The following STOX2 variants were observed in gnomAD, a reference collection of about 807,000 sequenced individuals.
STOX2 encodes storkhead box 2.
A neutral mutation model predicts 60.9 loss-of-function variants in STOX2; 28 were observed. The ratio of observed to expected loss-of-function variants is 0.46; its 90% confidence interval spans 0.34 to 0.63. STOX2 has a LOEUF of 0.63. Among genes scored for constraint, STOX2 ranks in the 30% least tolerant of loss-of-function variants. The pLI is 0.01. For synonymous variants in STOX2, 472 were observed against 463.9 expected (o/e 1.02, Z -0.22); for missense variants, 1,024 against 1,187.7 (o/e 0.86, Z 2.03).
At chr4:183,930,116 G>A (rs184661048) in intron 1 of STOX2, among the ~76,000 whole-genome samples, 1,963 of 151,316 alleles carry the variant, frequency 0.013, 23 homozygotes, top group South Asian at 0.053. Context: ...CACCCGCCTC[G>A]GCCTCCCAAA....
chr4:183,935,332 T>A (rs1381000133), intron 1 of STOX2, among the ~76,000 whole-genome samples: 1 of 152,244 alleles, frequency 6.6e-6, no homozygotes, highest in Non-Finnish European at 1.5e-5. Context: ...TATCACCCTG[T>A]TGACCAGAAA....
intron 1 of STOX2, among the ~76,000 whole-genome samples, chr4:183,837,988 A>G (rs1026326381): frequency 3.3e-5 from 5 of 152,126 alleles, no homozygotes; most frequent in African/African-American, 1.2e-4. Flanking sequence ...GAGTTCTGAG[A>G]TAGCACATAT....
chr4:183,983,569 A>C (rs578204180), intron 1 of STOX2, among the ~76,000 whole-genome samples: 12 of 152,314 alleles, frequency 7.9e-5, no homozygotes, highest in African/African-American at 2.9e-4. Flanking sequence ...TAGGAGTCCA[A>C]GAAGTCCCTG....
intron 1 of STOX2, chr4:183,798,533 G>A (rs116547490): frequency 0.018 from 14,477 of 789,074 alleles, 148 homozygotes; most frequent in African/African-American, 0.029. Flanking sequence ...TTCCCTGGGC[G>A]GCGACTGCGG....
At chr4:184,008,099 A>G (rs957439214) in intron 2 of STOX2, among the ~76,000 whole-genome samples, 1 of 152,186 alleles carries the variant, frequency 6.6e-6, no homozygotes, top group Admixed American at 6.5e-5. Flanking sequence ...TGCAACTGCC[A>G]TTTTTGTGAG....
chr4:183,837,748 C>T (rs535715270), intron 1 of STOX2, among the ~76,000 whole-genome samples: 3 of 152,260 alleles, frequency 2.0e-5, no homozygotes, highest in East Asian at 3.9e-4. Context: ...TGTGAGCCAC[C>T]GCACCTGGCC....
intron 1 of STOX2, among the ~76,000 whole-genome samples, chr4:183,993,918 G>A (rs1019092140): frequency 2.0e-5 from 3 of 152,174 alleles, no homozygotes; most frequent in South Asian, 2.1e-4. Context: ...TCAAGAGAGC[G>A]CATAGGAAAG....
At chr4:183,798,518 C>A in intron 1 of STOX2, 1 of 627,654 alleles carries the variant, frequency 1.6e-6, no homozygotes, top group Non-Finnish European at 2.0e-6. Flanking sequence ...GCGCCCGGGA[C>A]GCCCTTCCCT....
chr4:183,945,381 G>C (rs951019861), intron 1 of STOX2, among the ~76,000 whole-genome samples: 2 of 152,094 alleles, frequency 1.3e-5, no homozygotes, highest in Admixed American at 1.3e-4. Context: ...CTTGGTGAGA[G>C]AGCAAAAGCA....
chr4:183,969,173 T>G (rs887737718), intron 1 of STOX2, among the ~76,000 whole-genome samples: 6 of 152,204 alleles, frequency 3.9e-5, no homozygotes, highest in Non-Finnish European at 8.8e-5. Context: ...CTAATCTGAA[T>G]AGATCATTAA....
At chr4:183,969,493 C>G (rs188742421) in intron 1 of STOX2, among the ~76,000 whole-genome samples, 7 of 152,294 alleles carry the variant, frequency 4.6e-5, no homozygotes, top group African/African-American at 1.4e-4. Context: ...CTCTTGAACT[C>G]CCGGGCTCAA....
At chr4:183,838,498 T>G (rs1739769139) in intron 1 of STOX2, among the ~76,000 whole-genome samples, 1 of 152,186 alleles carries the variant, frequency 6.6e-6, no homozygotes, top group Admixed American at 6.5e-5. Context: ...GATGAACATA[T>G]CTATATAAAT....
chr4:183,888,722 G>A (rs775553179), intron 1 of STOX2, among the ~76,000 whole-genome samples: 18 of 152,176 alleles, frequency 1.2e-4, no homozygotes, highest in Non-Finnish European at 2.9e-5. Flanking sequence ...TGCAGAGTCT[G>A]CACAGGAATG....
intron 1 of STOX2, among the ~76,000 whole-genome samples, chr4:183,912,224 T>C (rs946886732): frequency 1.3e-5 from 2 of 152,208 alleles, no homozygotes; most frequent in African/African-American, 2.4e-5. Flanking sequence ...CCAGAGGGCT[T>C]TGATGGTTTT....
intron 1 of STOX2, among the ~76,000 whole-genome samples, chr4:183,879,004 C>G (rs1283109941): frequency 1.3e-5 from 2 of 151,806 alleles, no homozygotes; most frequent in Non-Finnish European, 2.9e-5. Flanking sequence ...AAAAGAACAG[C>G]CACAGTAATG....
upstream of STOX2, among the ~76,000 whole-genome samples, chr4:183,903,817 G>A (rs1407962122): frequency 1.3e-5 from 2 of 152,208 alleles, no homozygotes; most frequent in Non-Finnish European, 2.9e-5. Flanking sequence ...GACCAGTTTC[G>A]TGGAAGACAG....
Position 183,906,734 on chromosome 4 carries a change from C to A in STOX2, c.-57C>A, listed in dbSNP as rs1741624510. 8 of 1,443,196 alleles carry A rather than the reference C, an allele frequency of 5.5e-6. No individual in the cohort carries two copies. In the East Asian group the frequency reaches 1.6e-4, roughly 29 times the overall value. The allele number at this position is 1,443,196 out of a possible 1,614,324, so 89.4% of individuals were successfully genotyped here. On this transcript the variant is annotated 5_prime_UTR_variant, in exon 1 of 4. Coordinates refer to ENST00000308497, the MANE Select transcript of STOX2 (RefSeq NM_020225.3). ...CCCGCCGTAGACGGATGAAGGAGCG[C>A]GCTGCGCCCCGGCGCTGAGGCCCCG...
At chr4:183,872,939 AATG>A (rs1468805371) in intron 1 of STOX2, among the ~76,000 whole-genome samples, 1 of 152,202 alleles carries the variant, frequency 6.6e-6, no homozygotes, top group African/African-American at 2.4e-5. Flanking sequence ...CCATGGAATC[AATG>A]ATAAGACAGA....
chr4:183,995,939 C>T (rs1330393067), intron 1 of STOX2, among the ~76,000 whole-genome samples: 1 of 152,236 alleles, frequency 6.6e-6, no homozygotes, highest in African/African-American at 2.4e-5. Flanking sequence ...TTCCATGCCC[C>T]TCATCATCCA....
Sources: gnomAD v4.1 joint callset for allele counts (sites outside exome capture counted in the v4.1 genomes callset) on GRCh38, gnomAD v4.1.1 for gene constraint, MANE v1.5 for transcripts, NCBI Gene and HGNC (gene_info 2026-07-23, HGNC 2026-07-21) for gene names.